CC2D2B: variants seen among roughly 807,000 people sequenced by gnomAD.
The protein encoded by CC2D2B is coiled-coil and C2 domain containing 2B.
CC2D2B carries 128 observed loss-of-function variants against 161.2 expected under a neutral mutation model. The observed-to-expected ratio is 0.79, with a 90% confidence interval of 0.69 to 0.92. The LOEUF (loss-of-function observed/expected upper bound fraction) is 0.92. CC2D2B is among the 40% of genes least tolerant of loss of function. The probability of loss-of-function intolerance (pLI) is 0.00; values close to 1 mark genes in which losing one functional copy is unlikely to be tolerated. For missense variants in CC2D2B, 1,173 were observed against 1,375.1 expected, an observed-to-expected ratio of 0.85 and a Z score of 2.32; for synonymous variants, 391 against 449.8, an observed-to-expected ratio of 0.87 and a Z score of 1.65.
chr10:96,017,941 A>G (rs1416051636), intron 30 of CC2D2B, among the ~76,000 whole-genome samples: 1 of 152,144 alleles, frequency 6.6e-6, no homozygotes, highest in Non-Finnish European at 1.5e-5. Flanking sequence ...TGTCACACAC[A>G]CAGACAAAAA....
At chr10:96,012,787 C>A in intron 28 of CC2D2B, 58 bp downstream of exon 28, 1 of 1,091,686 alleles carries the variant, frequency 9.2e-7, no homozygotes, top group Non-Finnish European at 1.4e-6. Context: ...TGTGAAGAAT[C>A]ACTTTTACCT....
intron 26 of CC2D2B, among the ~76,000 whole-genome samples, chr10:96,010,918 A>G (rs1442375827): frequency 6.6e-6 from 1 of 152,182 alleles, no homozygotes; most frequent in Non-Finnish European, 1.5e-5. Context: ...GATTTATTTC[A>G]GAGACAATCA....
intron 2 of CC2D2B, among the ~76,000 whole-genome samples, chr10:95,916,773 T>C (rs748194271): frequency 2.6e-5 from 4 of 152,202 alleles, no homozygotes; most frequent in Admixed American, 1.3e-4. Flanking sequence ...GATTTCAAAG[T>C]TTTTGAATTT....
chr10:95,993,657 A>AT (rs930600099), intron 22 of CC2D2B, among the ~76,000 whole-genome samples: 71 of 149,190 alleles, frequency 4.8e-4, no homozygotes, highest in African/African-American at 1.5e-3. Flanking sequence ...AATCACCACC[A>AT]TTTTCTATAA....
chr10:95,917,950 A>AT (rs1289312821), intron 2 of CC2D2B, among the ~76,000 whole-genome samples: 1 of 151,968 alleles, frequency 6.6e-6, no homozygotes, highest in Non-Finnish European at 1.5e-5. Context: ...TAATTTTTGT[A>AT]TTTTTAAGTA....
chr10:96,017,756 C>A (rs1021895257), intron 30 of CC2D2B, among the ~76,000 whole-genome samples: 2 of 136,448 alleles, frequency 1.5e-5, no homozygotes, highest in African/African-American at 5.8e-5. Context: ...CACAGGGAGA[C>A]CCCACCTCTA....
rs563621203 is a variant in CC2D2B at position 95,960,958 on chromosome 10, G to T, written c.1110-871G>T. On this transcript the variant is annotated intron_variant, in intron 11 of 34. Coordinates refer to ENST00000646931, the MANE Select transcript of CC2D2B (RefSeq NM_001349008.3). ...TGAGATTTTGGCATCCTTAATCTAA[G>T]CCAATCCCTCACCAGTGGCTTTGGA... Among the ~76,000 whole-genome samples, 7 of 152,054 alleles carry T rather than the reference G, an allele frequency of 4.6e-5. No homozygotes were observed. The South Asian group carries it at 1.5e-3, about 32-fold the overall frequency.
chr10:96,000,703 G>A (rs544003405), intron 24 of CC2D2B: 1 of 152,012 alleles, frequency 6.6e-6, no homozygotes, highest in Non-Finnish European at 1.5e-5. Flanking sequence ...ATATATTATG[G>A]ATACCAGCCC....
chr10:95,995,761 C>T (rs76328510), intron 23 of CC2D2B, among the ~76,000 whole-genome samples: 5,188 of 152,314 alleles, frequency 0.034, 126 homozygotes, highest in Middle Eastern at 0.075. Flanking sequence ...TCAAAGCACA[C>T]GCTCAAGCAA....
intron 33 of CC2D2B, among the ~76,000 whole-genome samples, chr10:96,025,160 T>A (rs1335561292): frequency 2.4e-3 from 15 of 6,196 alleles, no homozygotes; most frequent in East Asian, 9.1e-3. Context: ...AAAAAATATA[T>A]ATATATATAT....
At chr10:96,028,023 A>G (rs929189408) in intron 34 of CC2D2B, among the ~76,000 whole-genome samples, 10 of 152,222 alleles carry the variant, frequency 6.6e-5, no homozygotes, top group Non-Finnish European at 2.9e-5. Flanking sequence ...GCCTCAAACT[A>G]TGAAATTGCT....
chr10:96,022,495 T>C (rs958103152), intron 32 of CC2D2B: 2 of 152,226 alleles, frequency 1.3e-5, no homozygotes, highest in African/African-American at 4.8e-5. Flanking sequence ...AAGGGAAAAG[T>C]GCTTCTCTCT....
chr10:96,025,004 GA>G, intron 33 of CC2D2B, 93 bp downstream of exon 33: 2 of 688,180 alleles, frequency 2.9e-6, no homozygotes, highest in East Asian at 3.2e-5. Context: ...ACAGAAACAT[GA>G]AAAAGGAGTT....
chr10:95,975,056 G>A (rs2077266304), intron 17 of CC2D2B, among the ~76,000 whole-genome samples: 1 of 152,186 alleles, frequency 6.6e-6, no homozygotes, highest in South Asian at 2.1e-4. Flanking sequence ...CCACTCCAGC[G>A]AGGGATGTTA....
intron 6 of CC2D2B, among the ~76,000 whole-genome samples, chr10:95,928,914 T>G (rs1482162679): frequency 6.6e-6 from 1 of 152,222 alleles, no homozygotes; most frequent in Non-Finnish European, 1.5e-5. Flanking sequence ...CCTTTGGGTA[T>G]ATACCCAGTA....
chr10:95,987,213 A>G (rs1401581083), intron 19 of CC2D2B, among the ~76,000 whole-genome samples: 1 of 151,982 alleles, frequency 6.6e-6, no homozygotes, highest in Admixed American at 6.6e-5. Flanking sequence ...AATCCCAGCT[A>G]CTTGGGAGGC....
At chr10:95,981,255 G>A (rs1270418628) in intron 17 of CC2D2B, among the ~76,000 whole-genome samples, 2 of 152,088 alleles carry the variant, frequency 1.3e-5, no homozygotes, top group East Asian at 3.9e-4. Flanking sequence ...AGCCAGGCGT[G>A]GTAGCACGTG....
At chr10:95,998,425 C>G (rs1259141954) in intron 24 of CC2D2B, among the ~76,000 whole-genome samples, 4 of 152,142 alleles carry the variant, frequency 2.6e-5, no homozygotes, top group Non-Finnish European at 5.9e-5. Context: ...CTATTCATCC[C>G]TCCCTCCCCC....
In CC2D2B at chr10:95,995,255, T is replaced by G; in HGVS notation, c.2643-14T>G. 6.9e-7 allele frequency: 1 copy of G among 1,456,436 alleles called. No homozygotes were observed. The highest frequency in any genetic ancestry group is 9.2e-7 in the Non-Finnish European group (1 of 1,085,388). The allele number at this position is 1,456,436 out of a possible 1,614,324, so 90.2% of individuals were successfully genotyped here. A position where few individuals can be genotyped will look rare whatever the true frequency, so the allele number is the denominator to read the frequency against. ...CTAATTAAGGTGTATGTCTCTCTAT[T>G]GTTTTTCCTGAAGATCCTTGGATAT... is the stretch of plus-strand genomic sequence containing the variant. On this transcript the variant is annotated splice_polypyrimidine_tract_variant and intron_variant, in intron 22 of 34. Coordinates refer to ENST00000646931, the MANE Select transcript of CC2D2B (RefSeq NM_001349008.3).
Sources: gnomAD v4.1 joint callset for allele counts (sites outside exome capture counted in the v4.1 genomes callset) on GRCh38, gnomAD v4.1.1 for gene constraint, MANE v1.5 for transcripts, NCBI Gene and HGNC (gene_info 2026-07-23, HGNC 2026-07-21) for gene names.